Variants in FAM53A observed in about 807,000 individuals in gnomAD.
The protein encoded by FAM53A is protein FAM53A.
FAM53A carries 28 observed loss-of-function variants against 26.6 expected under a neutral mutation model. The observed-to-expected ratio is 1.05, with a 90% CI of 0.78 to 1.45. The LOEUF is 1.45. Ranked by LOEUF, FAM53A falls within the 40% of genes most tolerant of loss-of-function variation. The pLI, the probability that FAM53A is intolerant of heterozygous loss-of-function variation, is 0.00. For missense variants in FAM53A, 650 were observed against 575.8 expected (o/e 1.13, Z -1.32); for synonymous variants, 290 against 253.1 (o/e 1.15, Z -1.38).
At chr4:1,600,393 G>T in the FAM53A span, among the ~76,000 whole-genome samples, 1 of 152,064 alleles carries the variant, frequency 6.6e-6, no homozygotes, top group African/African-American at 2.4e-5. Context: ...ATGTCTATAG[G>T]CAGGTGGGGC....
intron 4 of FAM53A, among the ~76,000 whole-genome samples, 164 bp downstream of exon 4, chr4:1,654,814 C>G (rs1366049024): frequency 2.0e-5 from 3 of 152,216 alleles, no homozygotes; most frequent in Admixed American, 2.0e-4. Flanking sequence ...GGCCCCCGAT[C>G]GCTCCCACGC....
chr4:1,592,438 G>A, the FAM53A span, among the ~76,000 whole-genome samples: 1 of 152,248 alleles, frequency 6.6e-6, no homozygotes, highest in African/African-American at 2.4e-5. Flanking sequence ...CCAAGCCCAG[G>A]ATTCCTGAGC....
At chr4:1,643,290 C>T (rs1711914299) in intron 4 of FAM53A, among the ~76,000 whole-genome samples, 3 of 151,944 alleles carry the variant, frequency 2.0e-5, no homozygotes, top group Admixed American at 6.6e-5. Flanking sequence ...CACGGTGAAG[C>T]CCCGTCTCTA....
At chr4:1,595,001 C>A in the FAM53A span, among the ~76,000 whole-genome samples, 2 of 152,244 alleles carry the variant, frequency 1.3e-5, no homozygotes, top group Non-Finnish European at 2.9e-5. Flanking sequence ...CCCACTGGGC[C>A]ATCTGCCACC....
chr4:1,628,608 A>G (rs1272687504), intron 1 of FAM53A, among the ~76,000 whole-genome samples: 6 of 3,392 alleles, frequency 1.8e-3, no homozygotes, highest in Non-Finnish European at 2.0e-3. Flanking sequence ...CATGGGGGAG[A>G]GTGGCATGGG....
chr4:1,672,632 G>A (rs559519185), intron 1 of FAM53A, among the ~76,000 whole-genome samples: 40 of 151,824 alleles, frequency 2.6e-4, no homozygotes, highest in Middle Eastern at 6.8e-3. Flanking sequence ...AAAGATGCTC[G>A]GCAGCCACCA....
downstream of FAM53A, among the ~76,000 whole-genome samples, chr4:1,616,046 G>T (rs1714799856): frequency 6.6e-6 from 1 of 152,204 alleles, no homozygotes; most frequent in African/African-American, 2.4e-5. Flanking sequence ...GAGATTCTGG[G>T]ATTCCAGGAA....
the FAM53A span, among the ~76,000 whole-genome samples, chr4:1,591,033 T>A: frequency 6.9e-6 from 1 of 145,486 alleles, no homozygotes; most frequent in Non-Finnish European, 1.5e-5. Context: ...TGTTGTTCTT[T>A]TGAACTAGTC....
the FAM53A span, among the ~76,000 whole-genome samples, chr4:1,590,193 ATTC>A: frequency 6.6e-6 from 1 of 151,976 alleles, no homozygotes; most frequent in African/African-American, 2.4e-5. Context: ...TTTTTTTACA[ATTC>A]TTTTATTTAT....
chr4:1,622,585 CAG>C (rs1165892603), intron 1 of FAM53A, among the ~76,000 whole-genome samples: 3 of 152,252 alleles, frequency 2.0e-5, no homozygotes, highest in South Asian at 2.1e-4. Context: ...GACACACAAA[CAG>C]GGGCAGAGGG....
chr4:1,633,268 A>G (rs1244241023), intron 1 of FAM53A, among the ~76,000 whole-genome samples: 1 of 152,242 alleles, frequency 6.6e-6, no homozygotes, highest in East Asian at 1.9e-4. Context: ...CCAATGCAAT[A>G]AACCTAGAAA....
At position 1,630,278 on chromosome 4, in the gene FAM53A, G is replaced by A. The variant is rs76528760; in HGVS notation, c.432-12167C>T. Among the ~76,000 whole-genome samples the A allele has an allele frequency of 0.013, 1,983 of 152,334 alleles. 40 individuals are homozygous for A. The highest frequency in any genetic ancestry group is 0.046 in the Admixed American group (709 of 15,302). ...AGACACCCTGTCCTCTGAGCTGCCC[G>A]TGACCAGGGGGTCAGAGCCCACCTT... On this transcript the variant is annotated intron_variant, in intron 1 of 1. Coordinates refer to the FAM53A transcript ENST00000489029. The surrounding 1 kb of genome is among the most constrained non-coding windows in gnomAD (Gnocchi z 4.3).
intron 1 of FAM53A, among the ~76,000 whole-genome samples, chr4:1,678,639 T>C (rs777573499): frequency 1.4e-4 from 21 of 152,134 alleles, no homozygotes; most frequent in African/African-American, 2.7e-4. Context: ...CTGGCCAACA[T>C]AGTTAAACCC....
At chr4:1,606,746 G>A in the FAM53A span, among the ~76,000 whole-genome samples, 3 of 152,162 alleles carry the variant, frequency 2.0e-5, no homozygotes, top group African/African-American at 7.2e-5. Flanking sequence ...CCTGTGTAGC[G>A]TTCCCCTGCG....
At chr4:1,682,644 C>T (rs528072904) in intron 1 of FAM53A, among the ~76,000 whole-genome samples, 2 of 152,150 alleles carry the variant, frequency 1.3e-5, no homozygotes, top group South Asian at 4.1e-4. Flanking sequence ...TTTTATCTAC[C>T]AGCTAAAAAT....
chr4:1,611,784 C>T, the FAM53A span, among the ~76,000 whole-genome samples: 1 of 152,234 alleles, frequency 6.6e-6, no homozygotes, highest in Non-Finnish European at 1.5e-5. Context: ...GAGGCAGCCC[C>T]TCTGCCAGGA....
chr4:1,593,792 C>G, the FAM53A span, among the ~76,000 whole-genome samples: 1 of 151,946 alleles, frequency 6.6e-6, no homozygotes, highest in Admixed American at 6.6e-5. Flanking sequence ...TTATCACGGG[C>G]CAGCAGAAGA....
the FAM53A span, among the ~76,000 whole-genome samples, chr4:1,592,298 T>C: frequency 6.6e-6 from 1 of 152,150 alleles, no homozygotes; most frequent in East Asian, 1.9e-4. Flanking sequence ...ACCAGCCACG[T>C]CCACACGCGG....
chr4:1,652,791 ACAC>A (rs1712978909), intron 4 of FAM53A, among the ~76,000 whole-genome samples: 1 of 146,534 alleles, frequency 6.8e-6, no homozygotes, highest in African/African-American at 2.5e-5. Flanking sequence ...CACACCAAAC[ACAC>A]CACACACGTC....
Sources: gnomAD v4.1 joint callset for allele counts (sites outside exome capture counted in the v4.1 genomes callset) on GRCh38, gnomAD v4.1.1 for gene constraint, Gnocchi (gnomAD v3.1) non-coding constraint, MANE v1.5 for transcripts, NCBI Gene and HGNC (gene_info 2026-07-23, HGNC 2026-07-21) for gene names.